SEPTIN10: variants seen among roughly 807,000 people sequenced by gnomAD.
The protein encoded by SEPTIN10 is septin 10, also known as septin-10.
In SEPTIN10, 66 loss-of-function variants were observed where a neutral mutation model predicts 54.8. That is an observed-to-expected ratio of 1.21 (90% confidence interval 0.99 to 1.48). The LOEUF (loss-of-function observed/expected upper bound fraction) is 1.48. Ranked by LOEUF, SEPTIN10 falls within the 40% of genes most tolerant of loss-of-function variation. SEPTIN10 has a pLI of 0.00. For synonymous variants in SEPTIN10, 161 were observed against 181.0 expected (o/e 0.89, Z 0.89); for missense variants, 620 against 545.6 (o/e 1.14, Z -1.36).
intron 1 of SEPTIN10, among the ~76,000 whole-genome samples, chr2:109,601,143 T>C (rs1372332121): frequency 6.6e-6 from 1 of 152,204 alleles, no homozygotes; most frequent in Admixed American, 6.5e-5. Flanking sequence ...CTGGTATCAA[T>C]TAACTTTCAG....
rs777805950 is a variant in SEPTIN10 at position 109,565,775 on chromosome 2, C to A, written c.847G>T (p.Gly283Cys). The change falls in exon 7 of 11, where the codon GGT becomes TGT. Residue 283 changes from glycine to cysteine, a missense_variant. Gly to Cys is a radical substitution (Grantham distance 159, BLOSUM62 -3). Coordinates refer to ENST00000397712, the MANE Select transcript of SEPTIN10 (RefSeq NM_144710.5). The stretch of plus-strand genomic sequence containing the variant: ...TTGTCTCATTTACCTTGTACAACAC[C>A]CCAAGGGTACTGGCGAGCTTTGACC... ...KMVKARQYPW[G>C]VVQVENENHC... 33 of 1,613,646 alleles carry A rather than the reference C, an allele frequency of 2.0e-5. No homozygotes were observed. Among genetic ancestry groups the A allele is most frequent in the Non-Finnish European group, 2.7e-5 (32 of 1,179,794 alleles).
intron 1 of SEPTIN10, among the ~76,000 whole-genome samples, chr2:109,608,716 A>G (rs1159637226): frequency 1.3e-5 from 2 of 152,250 alleles, no homozygotes; most frequent in Non-Finnish European, 2.9e-5. Context: ...CATTATGACT[A>G]TGAGATACAT....
chr2:109,549,898 G>A (rs1048295859), intron 9 of SEPTIN10, among the ~76,000 whole-genome samples: 1 of 152,110 alleles, frequency 6.6e-6, no homozygotes, highest in Non-Finnish European at 1.5e-5. Flanking sequence ...TTTTCAGACC[G>A]TAGTTGACCA....
At chr2:109,602,068 G>C (rs956508964) in intron 1 of SEPTIN10, among the ~76,000 whole-genome samples, 7 of 152,142 alleles carry the variant, frequency 4.6e-5, no homozygotes, top group Non-Finnish European at 1.0e-4. Context: ...GAGCTGCCTA[G>C]GAAGCACTGA....
rs550013165 is a variant in SEPTIN10, at chr2:109,603,481, C to T, written c.30+10317G>A. ...GTCTCAATCTCCTGACCTCGTGATC[C>T]GCCTGCCTCAGCCTCCCAAAGAGCT... is the stretch of plus-strand genomic sequence containing the variant. On this transcript the variant is annotated intron_variant, in intron 1 of 10. Coordinates refer to ENST00000397712, the MANE Select transcript of SEPTIN10 (RefSeq NM_144710.5). 7.4e-4 allele frequency among the ~76,000 whole-genome samples: 113 copies of T among 152,176 alleles called. 3 individuals carry two copies. In the South Asian group the frequency reaches 0.02, roughly 27 times the overall value.
At chr2:109,572,763 T>C (rs1176908045) in intron 5 of SEPTIN10, among the ~76,000 whole-genome samples, 1 of 151,930 alleles carries the variant, frequency 6.6e-6, no homozygotes, top group East Asian at 1.9e-4. Flanking sequence ...GCTACAGGCA[T>C]GTGCCATCAT....
At chr2:109,567,479 A>G (rs1033836326) in intron 6 of SEPTIN10, among the ~76,000 whole-genome samples, 2 of 152,206 alleles carry the variant, frequency 1.3e-5, no homozygotes, top group Non-Finnish European at 2.9e-5. Flanking sequence ...GAGGCTGTAA[A>G]GTCTTCTCAT....
chr2:109,574,157 C>T (rs1000490362), intron 5 of SEPTIN10, among the ~76,000 whole-genome samples: 3 of 151,580 alleles, frequency 2.0e-5, no homozygotes, highest in Admixed American at 1.3e-4. Context: ...GATTTCCAGG[C>T]GCTGGGCATG....
At chr2:109,570,678 T>C (rs1362706600) in intron 5 of SEPTIN10, among the ~76,000 whole-genome samples, 1 of 151,760 alleles carries the variant, frequency 6.6e-6, no homozygotes, top group Non-Finnish European at 1.5e-5. Context: ...CCTGCCACCA[T>C]GCCCAGCTAA....
chr2:109,548,255 C>T (rs1012588013), intron 9 of SEPTIN10, among the ~76,000 whole-genome samples: 1 of 151,860 alleles, frequency 6.6e-6, no homozygotes, highest in Non-Finnish European at 1.5e-5. Flanking sequence ...AACACAACCA[C>T]AGTGTCTAGA....
chr2:109,580,057 G>A (rs970475283), intron 4 of SEPTIN10, among the ~76,000 whole-genome samples: 1 of 151,930 alleles, frequency 6.6e-6, no homozygotes, highest in Non-Finnish European at 1.5e-5. Context: ...AGAGATGGAG[G>A]TTGCAATGAG....
Position 109,567,837 on chromosome 2 carries a change from G to A in SEPTIN10, c.740C>T (p.Ala247Val). 6.2e-7 allele frequency: 1 copy of A among 1,609,422 alleles called. No homozygotes were observed. Among genetic ancestry groups the A allele is most frequent in the Non-Finnish European group, 8.5e-7 (1 of 1,178,348 alleles). The change falls in exon 6 of 11, where the codon GCT becomes GTT. Residue 247 changes from alanine to valine, a missense_variant. By Grantham distance (64) the Ala-to-Val change is moderately conservative (BLOSUM62 0). Transcript: ENST00000397712. ...YQFPTDDDTIAKVNAAMNGQL... is the reference protein window; with the variant it reads ...YQFPTDDDTIVKVNAAMNGQL... The stretch of plus-strand genomic sequence containing the variant: ...CACATTCATTGCAGCGTTGACCTTA[G>A]CAATAGTGTCATCATCCGTTGGGAA...
chr2:109,613,383 G>A (rs538148062), intron 1 of SEPTIN10: 40 of 326,998 alleles, frequency 1.2e-4, no homozygotes, highest in Middle Eastern at 1.2e-3. Flanking sequence ...GGGGAGCCGG[G>A]CTTTCTCCCG....
intron 1 of SEPTIN10, among the ~76,000 whole-genome samples, chr2:109,595,299 T>A (rs751416366): frequency 1.3e-5 from 2 of 152,204 alleles, no homozygotes; most frequent in Non-Finnish European, 2.9e-5. Context: ...CGGTTCTGAT[T>A]GTGTTTTTAC....
chr2:109,577,666 A>G (rs1191146383), intron 4 of SEPTIN10, among the ~76,000 whole-genome samples: 1 of 151,978 alleles, frequency 6.6e-6, no homozygotes, highest in Non-Finnish European at 1.5e-5. Flanking sequence ...CAATCCCAGC[A>G]CTTTGGGAGG....
intron 7 of SEPTIN10, among the ~76,000 whole-genome samples, chr2:109,564,787 G>T (rs1686563714): frequency 6.6e-6 from 1 of 152,046 alleles, no homozygotes; most frequent in African/African-American, 2.4e-5. Flanking sequence ...GAATCACCAG[G>T]AAATACCAAA....
chr2:109,585,735 T>G lies in SEPTIN10; in HGVS notation c.203A>C (p.Asn68Thr), dbSNP rs767504524. ...NRSIQQGFCF[N>T]ILCVGETGIG... Reference sequence around the variant, plus strand: ...GTGGCACGTACCCACACAGAGAATATTAAAGCAGAAACCTTGCTGAATGGA... The same window carrying G: ...GTGGCACGTACCCACACAGAGAATAGTAAAGCAGAAACCTTGCTGAATGGA... The change falls in exon 3 of 11, where the codon AAT becomes ACT. Residue 68 changes from asparagine (N) to threonine (T), a missense_variant. Transcript: ENST00000397712. The G allele has an allele frequency of 2.2e-5, 36 of 1,612,464 alleles. No individual in the cohort carries two copies. The highest frequency in any genetic ancestry group is 2.8e-5 in the Non-Finnish European group (33 of 1,179,330).
rs532921645 is a variant in SEPTIN10 at position 109,571,130 on chromosome 2, C to T, written c.601-3154G>A. 1.8e-4 allele frequency among the ~76,000 whole-genome samples: 27 copies of T among 152,276 alleles called. No individual in the cohort carries two copies. The South Asian group carries it at 5.2e-3, about 29-fold the overall frequency. On this transcript the variant is annotated intron_variant, in intron 5 of 10. Coordinates refer to ENST00000397712, the MANE Select transcript of SEPTIN10 (RefSeq NM_144710.5). ...TCCTTCTCAGGTCATATAAGACATG[C>T]CTGCTTCCCCTTCGCCTTCCGCCAT...
chr2:109,546,363 C>T (rs1441104664), intron 9 of SEPTIN10, 126 bp from the exon 10 acceptor site: 1 of 525,342 alleles, frequency 1.9e-6, no homozygotes, highest in African/African-American at 1.9e-5. Flanking sequence ...CAAAATCTTT[C>T]TGAAGTCTCA....
Sources: allele counts gnomAD v4.1 joint callset (sites outside exome capture counted in the v4.1 genomes callset), GRCh38; gene constraint gnomAD v4.1.1; transcripts MANE v1.5; gene names NCBI Gene and HGNC (gene_info 2026-07-23, HGNC 2026-07-21).